ZC3H6: variants seen among roughly 807,000 people sequenced by gnomAD.
ZC3H6 encodes the protein zinc finger CCCH domain-containing protein 6.
In ZC3H6, 40 loss-of-function variants were observed where a neutral mutation model predicts 107.7. The observed-to-expected ratio is 0.37, with a 90% CI of 0.29 to 0.48. ZC3H6 has a LOEUF of 0.48. Ranked by LOEUF, ZC3H6 falls within the 20% of genes least tolerant of loss-of-function variation. ZC3H6 has a pLI of 0.98. For missense variants in ZC3H6, 1,267 were observed against 1,410.4 expected, an observed-to-expected ratio of 0.90 and a Z score of 1.63; for synonymous variants, 493 against 487.9, an observed-to-expected ratio of 1.01 and a Z score of -0.14.
At chr2:112,291,316 G>A (rs991629377) in intron 1 of ZC3H6, among the ~76,000 whole-genome samples, 18 of 152,058 alleles carry the variant, frequency 1.2e-4, no homozygotes, top group African/African-American at 4.3e-4. Context: ...TCACTGCAAT[G>A]TCTGTCTCCT....
chr2:112,321,007 T>G (rs766971890), intron 7 of ZC3H6, among the ~76,000 whole-genome samples: 2 of 152,110 alleles, frequency 1.3e-5, no homozygotes, highest in Non-Finnish European at 2.9e-5. Flanking sequence ...TTTTATCAGT[T>G]GCCTTTTGCA....
At chr2:112,305,167 A>G (rs573099357) in intron 3 of ZC3H6, among the ~76,000 whole-genome samples, 1 of 152,322 alleles carries the variant, frequency 6.6e-6, no homozygotes, top group East Asian at 1.9e-4. Context: ...AGTTAGATTT[A>G]TTCTTTAGAA....
chr2:112,291,986 C>T (rs918045296), intron 1 of ZC3H6, among the ~76,000 whole-genome samples: 7 of 152,212 alleles, frequency 4.6e-5, no homozygotes, highest in South Asian at 2.1e-4. Flanking sequence ...CGAAGTGCTG[C>T]GATTACAGGC....
At chr2:112,290,641 G>T (rs1158074975) in intron 1 of ZC3H6, among the ~76,000 whole-genome samples, 1 of 149,438 alleles carries the variant, frequency 6.7e-6, no homozygotes, top group Non-Finnish European at 1.5e-5. Flanking sequence ...CGTGTTAAAT[G>T]AATGAATGGC....
chr2:112,296,502 T>C (rs1676236328), intron 1 of ZC3H6, among the ~76,000 whole-genome samples: 1 of 152,234 alleles, frequency 6.6e-6, no homozygotes, highest in Non-Finnish European at 1.5e-5. Flanking sequence ...CTTATACTTG[T>C]CTTTTGGTGA....
chr2:112,311,707 T>C lies in ZC3H6; in HGVS notation c.614-97T>C, dbSNP rs1676595990. 12 of 1,099,130 alleles carry C rather than the reference T, an allele frequency of 1.1e-5. 1 individual carries two copies. The South Asian group carries it at 2.0e-4, about 18-fold the overall frequency. The allele number at this position is 1,099,130 out of a possible 1,614,324, so 68.1% of individuals were successfully genotyped here. A position where few individuals can be genotyped will look rare whatever the true frequency, so the allele number is the denominator to read the frequency against. The stretch of plus-strand genomic sequence containing the variant: ...GAAGGAAAAAAAAGAATGCACTGTA[T>C]ATTATAGACTATTAAAATGTGCTGT... On this transcript the variant is annotated intron_variant, in intron 4 of 11. Coordinates refer to ENST00000409871, the MANE Select transcript of ZC3H6 (RefSeq NM_198581.3).
intron 3 of ZC3H6, among the ~76,000 whole-genome samples, chr2:112,306,623 C>T (rs555880339): frequency 2.6e-5 from 4 of 152,250 alleles, no homozygotes; most frequent in Admixed American, 2.6e-4. Context: ...ATGTTCTTTT[C>T]CTTCAGAAAG....
intron 1 of ZC3H6, 93 bp downstream of exon 1, chr2:112,276,119 C>T (rs1318633500): frequency 1.7e-5 from 19 of 1,134,780 alleles, no homozygotes; most frequent in Non-Finnish European, 2.3e-5. Flanking sequence ...CCTGCATGAC[C>T]TAGACGTCTC....
Position 112,277,112 on chromosome 2 carries a change from C to G in ZC3H6, c.32+1086C>G, listed in dbSNP as rs138117110. Among the ~76,000 whole-genome samples, 729 of 152,200 alleles carry G rather than the reference C, an allele frequency of 4.8e-3. 1 individual carries two copies. Among genetic ancestry groups the G allele is most frequent in the African/African-American group, 0.017 (697 of 41,530 alleles). ...TGCTGAAATTTGAAATATCTAAATACCTAGCAATCTTGAGAGGGATAAAAA... is the reference window on the plus strand; with the variant it reads ...TGCTGAAATTTGAAATATCTAAATAGCTAGCAATCTTGAGAGGGATAAAAA... On this transcript the variant is annotated intron_variant, in intron 1 of 11. Transcript: ENST00000409871.
chr2:112,295,275 G>A (rs952137128), intron 1 of ZC3H6, among the ~76,000 whole-genome samples: 9 of 152,030 alleles, frequency 5.9e-5, no homozygotes, highest in African/African-American at 1.4e-4. Flanking sequence ...TTAATAAAAC[G>A]TCACATATAT....
Position 112,334,753 on chromosome 2 carries a change from T to C in ZC3H6, c.*2265T>C, listed in dbSNP as rs1441536214. The C allele has an allele frequency of 6.6e-6, 1 of 152,610 alleles. No homozygotes were observed. The highest frequency in any genetic ancestry group is 6.5e-5 in the Admixed American group (1 of 15,278). 9.5% of individuals were successfully genotyped at this position (152,610 alleles called of 1,614,324 possible). ...ATTCTGTCATATCCTGTAAACATAG[T>C]TTATTTTTCTTCTTTTTTCCCATTT... On this transcript the variant is annotated 3_prime_UTR_variant, in exon 12 of 12. Transcript: ENST00000409871.
At chr2:112,282,113 G>GTGT (rs1686539508) in intron 1 of ZC3H6, among the ~76,000 whole-genome samples, 1 of 152,162 alleles carries the variant, frequency 6.6e-6, no homozygotes, top group African/African-American at 2.4e-5. Flanking sequence ...ACCACTCAAG[G>GTGT]TGTGCCTCAC....
chr2:112,305,229 A>T (rs1676454092), intron 3 of ZC3H6, among the ~76,000 whole-genome samples: 1 of 152,232 alleles, frequency 6.6e-6, no homozygotes, highest in South Asian at 2.1e-4. Context: ...GATGCTAAGG[A>T]TGGGCATTAT....
Position 112,331,122 on chromosome 2 carries a change from C to G in ZC3H6, c.2204C>G (p.Thr735Arg). 2 of 1,613,370 alleles carry G rather than the reference C, an allele frequency of 1.2e-6. No homozygotes were observed. Among genetic ancestry groups the G allele is most frequent in the Non-Finnish European group, 1.7e-6 (2 of 1,179,638 alleles). ...ETLRNQQQPS[T>R]ELSTPTDPRL... is the part of the protein sequence containing the mutation. ...TTAAGGAATCAGCAACAACCTTCCA[C>G]AGAACTCAGCACTCCTACTGATCCA... is the stretch of plus-strand genomic sequence containing the variant. The change falls in exon 12 of 12, where the codon ACA becomes AGA. Residue 735 changes from threonine to arginine, a missense_variant. Transcript: ENST00000409871.
At chr2:112,315,893 T>C (rs545480734) in intron 5 of ZC3H6, among the ~76,000 whole-genome samples, 2 of 152,234 alleles carry the variant, frequency 1.3e-5, no homozygotes, top group Non-Finnish European at 2.9e-5. Context: ...TGTAAACAGT[T>C]TTTATGATCC....
chr2:112,339,781 A>C lies in ZC3H6; in HGVS notation c.*7293A>C, dbSNP rs1380311401. 6.6e-6 allele frequency: 1 copy of C among 151,630 alleles called. No homozygotes were observed. Among genetic ancestry groups the C allele is most frequent in the East Asian group, 1.9e-4 (1 of 5,178 alleles). The allele number at this position is 151,630 out of a possible 1,614,324, so 9.4% of individuals were successfully genotyped here. On this transcript the variant is annotated 3_prime_UTR_variant, in exon 12 of 12. Coordinates refer to ENST00000409871, the MANE Select transcript of ZC3H6 (RefSeq NM_198581.3). ...CAAATGTTGGGGAAATGCTGCCTTG[A>C]CTATTTTACTTTGGAAGGTTTTACT...
chr2:112,290,432 G>A (rs1676089526), intron 1 of ZC3H6, among the ~76,000 whole-genome samples: 4 of 152,252 alleles, frequency 2.6e-5, no homozygotes. Context: ...CCTGACGGAT[G>A]ACTTTCCCCT....
chr2:112,303,743 A>C (rs892310166), intron 3 of ZC3H6, among the ~76,000 whole-genome samples: 1 of 152,184 alleles, frequency 6.6e-6, no homozygotes, highest in African/African-American at 2.4e-5. Flanking sequence ...AGGCTGAATA[A>C]TATTCCGTTG....
In ZC3H6 at chr2:112,332,076, A is replaced by G. The variant is rs1490145527; in HGVS notation, c.3158A>G (p.Asp1053Gly). The change falls in exon 12 of 12, where the codon GAT becomes GGT. Residue 1053 changes from aspartate to glycine, a missense_variant. This residue lies in a region of ZC3H6 where 925 missense variants were observed against 1,025.7 expected (regional missense o/e 0.90). Coordinates refer to ENST00000409871, the MANE Select transcript of ZC3H6 (RefSeq NM_198581.3). ...GGTATTAGTTTGTATGACCCTAGGG[A>G]TCACGGTTCATCATCCACATCAGAG... Reference protein sequence around the residue: ...LSGISLYDPRDHGSSSTSELA... With the variant: ...LSGISLYDPRGHGSSSTSELA... The G allele has an allele frequency of 2.5e-6, 4 of 1,614,014 alleles. No individual in the cohort carries two copies. The highest frequency in any genetic ancestry group is 1.7e-6 in the Non-Finnish European group (2 of 1,179,888).
Sources: gnomAD v4.1 joint callset for allele counts (sites outside exome capture counted in the v4.1 genomes callset) on GRCh38, gnomAD v4.1.1 for gene constraint, gnomAD v4.1.1 regional missense constraint, MANE v1.5 for transcripts, NCBI Gene and HGNC (gene_info 2026-07-23, HGNC 2026-07-21) for gene names.